UBA6: variants seen among roughly 807,000 people sequenced by gnomAD.
UBA6 encodes the protein ubiquitin-like modifier-activating enzyme 6.
In UBA6, 87 loss-of-function variants were observed where a neutral mutation model predicts 148.3. That is an observed-to-expected ratio of 0.59 (90% confidence interval 0.49 to 0.70). UBA6 has a LOEUF of 0.70. Ranked by LOEUF, UBA6 falls within the 30% of genes least tolerant of loss-of-function variation. The pLI is 0.00. For missense variants in UBA6, 1,186 were observed against 1,241.2 expected (o/e 0.96, Z 0.67); for synonymous variants, 376 against 401.0 (o/e 0.94, Z 0.75).
At chr4:67,635,718 C>A (rs1729122942) in intron 19 of UBA6, among the ~76,000 whole-genome samples, 160 bp from the exon 20 acceptor site, 1 of 100,818 alleles carries the variant, frequency 9.9e-6, no homozygotes, top group Non-Finnish European at 2.3e-5. Context: ...GTGGATCATT[C>A]CTGTTCCCCT....
intron 9 of UBA6, among the ~76,000 whole-genome samples, chr4:67,667,159 C>T (rs374509315): frequency 6.6e-6 from 1 of 151,906 alleles, no homozygotes; most frequent in South Asian, 2.1e-4. Context: ...AACATGGACC[C>T]CGAAATTACA....
rs948588906 is a variant in UBA6 at position 67,617,225 on chromosome 4, G to C, written c.*1772C>G. ...TTATGGACTGCTGAATTAACTACCCGAAAAGTATCAGTTACTTTCAAAGAA... is the reference window on the plus strand; with the variant it reads ...TTATGGACTGCTGAATTAACTACCCCAAAAGTATCAGTTACTTTCAAAGAA... On this transcript the variant is annotated 3_prime_UTR_variant, in exon 33 of 33. Coordinates refer to ENST00000322244, the MANE Select transcript of UBA6 (RefSeq NM_018227.6). 1 of 152,020 alleles carries C rather than the reference G, an allele frequency of 6.6e-6. No individual in the cohort carries two copies. The highest frequency in any genetic ancestry group is 1.9e-4 in the East Asian group (1 of 5,196). 9.4% of individuals were successfully genotyped at this position (152,020 alleles called of 1,614,324 possible). A position where few individuals can be genotyped will look rare whatever the true frequency, so the allele number is the denominator to read the frequency against.
At chr4:67,634,211 TAA>T (rs1194091305) in intron 22 of UBA6, 29 bp downstream of exon 22, 4 of 1,437,774 alleles carry the variant, frequency 2.8e-6, no homozygotes, top group South Asian at 1.3e-5. Flanking sequence ...CACAAAGTGT[TAA>T]GTTTGTATTA....
At chr4:67,688,490 C>G (rs12499669) in intron 2 of UBA6, among the ~76,000 whole-genome samples, 34,872 of 151,826 alleles carry the variant, frequency 0.23, 4,150 homozygotes, top group Middle Eastern at 0.3. Context: ...CTGAGAGAGA[C>G]AGAATGCAGA....
Position 67,623,162 on chromosome 4 carries a change from G to A in UBA6, c.2901C>T (p.Thr967=). ...TGACTGCATTTATGAAATCCAAGAG[G>A]GTGAAATCTTCTTTTCCATGTACGG... ...RWTVHGKEDF[T]LLDFINAVKE... is the part of the protein sequence containing the mutation. The change falls in exon 31 of 33, where the codon ACC becomes ACT. Residue 967 remains threonine (T), a synonymous_variant. Coordinates refer to ENST00000322244, the MANE Select transcript of UBA6 (RefSeq NM_018227.6). 1.2e-6 allele frequency: 2 copies of A among 1,612,486 alleles called. No individual in the cohort carries two copies. The highest frequency in any genetic ancestry group is 1.7e-6 in the Non-Finnish European group (2 of 1,179,000).
chr4:67,641,800 G>A (rs911272188), intron 17 of UBA6, among the ~76,000 whole-genome samples: 1 of 152,174 alleles, frequency 6.6e-6, no homozygotes, highest in Non-Finnish European at 1.5e-5. Context: ...AGTTGTGACA[G>A]AGATCTTTGG....
chr4:67,662,507 C>A, intron 12 of UBA6: 2 of 353,664 alleles, frequency 5.7e-6, no homozygotes, highest in Non-Finnish European at 1.0e-5. Flanking sequence ...CACTGTCACC[C>A]AGGCTGGAGT....
At chr4:67,654,282 A>G (rs1344982528) in intron 13 of UBA6, among the ~76,000 whole-genome samples, 1 of 152,188 alleles carries the variant, frequency 6.6e-6, no homozygotes, top group African/African-American at 2.4e-5. Flanking sequence ...AAAGGCAGCC[A>G]GAGAGAGAGA....
chr4:67,671,439 CTT>C (rs34086872), intron 7 of UBA6, among the ~76,000 whole-genome samples: 2 of 145,268 alleles, frequency 1.4e-5, no homozygotes, highest in Admixed American at 6.9e-5. Context: ...ATACATATAG[CTT>C]TTTTTTTTTT....
intron 13 of UBA6, among the ~76,000 whole-genome samples, chr4:67,650,735 C>A (rs1729535166): frequency 6.6e-6 from 1 of 151,964 alleles, no homozygotes; most frequent in Non-Finnish European, 1.5e-5. Flanking sequence ...CTTATGGTAA[C>A]AAAACACAGT....
chr4:67,681,469 A>G, intron 4 of UBA6, 94 bp downstream of exon 4: 1 of 785,884 alleles, frequency 1.3e-6, no homozygotes, highest in Middle Eastern at 3.4e-4. Context: ...CATTAAAGAC[A>G]ATAATTAAAA....
chr4:67,655,185 G>A (rs1332058537), intron 13 of UBA6, among the ~76,000 whole-genome samples: 1 of 152,188 alleles, frequency 6.6e-6, no homozygotes, highest in African/African-American at 2.4e-5. Flanking sequence ...TCTGCACCAA[G>A]TGGACCTAAT....
intron 13 of UBA6, among the ~76,000 whole-genome samples, chr4:67,660,745 T>A (rs1283034244): frequency 6.6e-6 from 1 of 152,092 alleles, no homozygotes; most frequent in Non-Finnish European, 1.5e-5. Context: ...GTCCTCCAGA[T>A]CCCGGAATGG....
intron 1 of UBA6, among the ~76,000 whole-genome samples, chr4:67,698,941 C>G (rs1181150495): frequency 2.0e-5 from 3 of 151,840 alleles, no homozygotes; most frequent in Non-Finnish European, 2.9e-5. Flanking sequence ...GCCTGGGTGA[C>G]AAGAGCAAGA....
intron 13 of UBA6, among the ~76,000 whole-genome samples, chr4:67,656,379 T>C (rs1002666826): frequency 6.6e-6 from 1 of 152,128 alleles, no homozygotes; most frequent in Non-Finnish European, 1.5e-5. Context: ...GTTCAACATA[T>C]GCAAATCAAT....
intron 2 of UBA6, among the ~76,000 whole-genome samples, chr4:67,688,706 C>T (rs1049707829): frequency 6.6e-6 from 1 of 151,926 alleles, no homozygotes; most frequent in African/African-American, 2.4e-5. Context: ...CAACTGGGTA[C>T]TAAAATTGCT....
intron 20 of UBA6, among the ~76,000 whole-genome samples, chr4:67,635,132 A>C (rs1487379): frequency 0.022 from 3,292 of 152,208 alleles, 106 homozygotes; most frequent in East Asian, 0.11. Context: ...ATAAAATTTT[A>C]TGTCTTTGTT....
At position 67,694,908 on chromosome 4, in the gene UBA6, C is replaced by T. The variant is rs79519678; in HGVS notation, c.134+1737G>A. Among the ~76,000 whole-genome samples, 115 of 152,306 alleles carry T rather than the reference C, an allele frequency of 7.6e-4. 1 individual carries two copies. In the East Asian group the frequency reaches 9.8e-3, roughly 13 times the overall value. ...CACGCATACCAAGTGCTAACAGCTA[C>T]ACCAAAAGATACTCTCCGTCAAACA... On this transcript the variant is annotated intron_variant, in intron 2 of 32. Coordinates refer to ENST00000322244, the MANE Select transcript of UBA6 (RefSeq NM_018227.6).
intron 32 of UBA6, among the ~76,000 whole-genome samples, chr4:67,621,785 A>G (rs182916075): frequency 1.7e-4 from 26 of 152,366 alleles, no homozygotes; most frequent in Admixed American, 1.7e-3. Flanking sequence ...AGCCTAGGCG[A>G]CACAGTGAGA....
Sources: allele counts gnomAD v4.1 joint callset (sites outside exome capture counted in the v4.1 genomes callset), GRCh38; gene constraint gnomAD v4.1.1; transcripts MANE v1.5; gene names NCBI Gene and HGNC (gene_info 2026-07-23, HGNC 2026-07-21).